BGN: variants seen among roughly 807,000 people sequenced by gnomAD.
The protein encoded by BGN is biglycan.
BGN carries 6 observed loss-of-function variants against 20.0 expected under a neutral mutation model. The observed-to-expected ratio is 0.30, with a 90% CI of 0.16 to 0.59. The LOEUF is 0.59. Among genes scored for constraint, BGN ranks in the 20% least tolerant of loss-of-function variants. The probability of loss-of-function intolerance (pLI) is 0.88; values close to 1 mark genes in which losing one functional copy is unlikely to be tolerated. For synonymous variants in BGN, 146 were observed against 134.6 expected (o/e 1.08, Z -0.59); for missense variants, 292 against 312.1 (o/e 0.94, Z 0.49).
At chrX:153,506,158 T>G (rs782158170) in intron 4 of BGN, 82 bp downstream of exon 4, 16 of 976,751 alleles carry the variant, frequency 1.6e-5, no homozygotes, top group Non-Finnish European at 2.1e-5. Context: ...CTTTAGAGGC[T>G]CAGTTCAAGA....
At chrX:153,502,987 C>A (rs1463569686) in intron 1 of BGN, among the ~76,000 whole-genome samples, 1 of 112,476 alleles carries the variant, frequency 8.9e-6, no homozygotes, top group Non-Finnish European at 1.9e-5. Flanking sequence ...GCAGGGGGGA[C>A]GCGTGCCAGC....
intron 1 of BGN, among the ~76,000 whole-genome samples, chrX:153,496,375 G>A (rs1031201235): frequency 1.8e-5 from 2 of 113,187 alleles, no homozygotes; most frequent in African/African-American, 6.4e-5. Flanking sequence ...CCCAGCCGCC[G>A]GTGCCAGCCG....
chrX:153,496,529 C>T (rs1556990777), intron 1 of BGN, among the ~76,000 whole-genome samples: 1 of 112,541 alleles, frequency 8.9e-6, no homozygotes, highest in African/African-American at 3.2e-5. Context: ...GCCTCCAAGC[C>T]ACCAGGGCTG....
Position 153,506,516 on chromosome X carries a change from G to T in BGN, c.566-13G>T. 5 of 1,204,317 alleles carry T rather than the reference G, an allele frequency of 4.2e-6. No homozygotes were observed. Among genetic ancestry groups the T allele is most frequent in the Non-Finnish European group, 5.6e-6 (5 of 889,924 alleles). Reference sequence around the variant, plus strand: ...ACCACCAGGCTCCCGGGCTAATGAGGTCTCTCCCCTAGAGATGGGCGGGAA... The same window carrying T: ...ACCACCAGGCTCCCGGGCTAATGAGTTCTCTCCCCTAGAGATGGGCGGGAA... On this transcript the variant is annotated splice_polypyrimidine_tract_variant and intron_variant, in intron 4 of 7. Coordinates refer to ENST00000331595, the MANE Select transcript of BGN (RefSeq NM_001711.6).
chrX:153,508,480 G>A lies in BGN; in HGVS notation c.*35G>A, dbSNP rs1556993810. On this transcript the variant is annotated 3_prime_UTR_variant, in exon 8 of 8. Transcript: ENST00000331595. The stretch of plus-strand genomic sequence containing the variant: ...CAGCCACCGCGGGGCCTCAGTGGGG[G>A]TCTCTGGGGAACACAGCCAGACATC... 8.4e-7 allele frequency: 1 copy of A among 1,185,789 alleles called. No individual in the cohort carries two copies. Among genetic ancestry groups the A allele is most frequent in the Non-Finnish European group, 1.1e-6 (1 of 875,581 alleles).
chrX:153,499,186 C>T (rs1157056746), intron 1 of BGN, among the ~76,000 whole-genome samples: 8 of 112,612 alleles, frequency 7.1e-5, no homozygotes, highest in Admixed American at 5.6e-4. Flanking sequence ...GTAAAGAAAT[C>T]ACATGAGTCC....
intron 1 of BGN, among the ~76,000 whole-genome samples, chrX:153,500,543 G>A (rs962105536): frequency 3.6e-5 from 4 of 112,203 alleles, no homozygotes; most frequent in Admixed American, 9.4e-5. Flanking sequence ...TTCCTGGGCT[G>A]GGGTCCCCGC....
At chrX:153,500,825 ACATG>A (rs1165493277) in intron 1 of BGN, among the ~76,000 whole-genome samples, 1 of 106,850 alleles carries the variant, frequency 9.4e-6, no homozygotes, top group African/African-American at 3.5e-5. Context: ...ATGTGTGTAT[ACATG>A]CATGCATGTG....
At position 153,508,849 on chromosome X, in the gene BGN, G is replaced by A. The variant is rs990007084; in HGVS notation, c.*404G>A. ...GACAGTGGGCTCTGCCAGGGCTGCC[G>A]CACCTGTCCAGACACACATGTTCTG... On this transcript the variant is annotated 3_prime_UTR_variant, in exon 8 of 8. Coordinates refer to ENST00000331595, the MANE Select transcript of BGN (RefSeq NM_001711.6). 6 of 212,217 alleles carry A rather than the reference G, an allele frequency of 2.8e-5. No homozygotes were observed. The Admixed American group carries it at 3.5e-4, about 12-fold the overall frequency. 17.5% of individuals were successfully genotyped at this position (212,217 alleles called of 1,213,427 possible).
chrX:153,506,918 G>A lies in BGN; in HGVS notation c.765G>A (p.Leu255=). ...AGGACCTGCTTCGCTACTCCAAGCTGTACAGGTGAGGCCAGCAGGGCACCG... is the reference window on the plus strand; with the variant it reads ...AGGACCTGCTTCGCTACTCCAAGCTATACAGGTGAGGCCAGCAGGGCACCG... ...ELEDLLRYSK[L]YRLGLGHNQI... The change falls in exon 6 of 8, where the codon CTG becomes CTA. Residue 255 remains leucine, a synonymous_variant. Coordinates refer to ENST00000331595, the MANE Select transcript of BGN (RefSeq NM_001711.6). 1.7e-6 allele frequency: 2 copies of A among 1,211,192 alleles called. No individual in the cohort carries two copies. The highest frequency in any genetic ancestry group is 1.7e-5 in the African/African-American group (1 of 57,850).
chrX:153,498,037 G>A (rs956388053), intron 1 of BGN, among the ~76,000 whole-genome samples: 1 of 112,612 alleles, frequency 8.9e-6, no homozygotes, highest in African/African-American at 3.2e-5. Context: ...CAGCCCAAGG[G>A]GCAGGGTCAG....
rs782115720 is a variant in BGN, at chrX:153,504,889, G to T, written c.238+20G>T. On this transcript the variant is annotated intron_variant, in intron 2 of 7. Transcript: ENST00000331595. Reference sequence around the variant, plus strand: ...ACCTGGGTTTGTCCCTGAGTGATGGGGAGCGGGGCATGCAGGGAGGCTCAG... The same window carrying T: ...ACCTGGGTTTGTCCCTGAGTGATGGTGAGCGGGGCATGCAGGGAGGCTCAG... The T allele has an allele frequency of 8.5e-7, 1 of 1,175,548 alleles. No homozygotes were observed. The highest frequency in any genetic ancestry group is 2.2e-5 in the Admixed American group (1 of 45,461).
chrX:153,502,501 G>C (rs1556992073), intron 1 of BGN, among the ~76,000 whole-genome samples: 1 of 112,263 alleles, frequency 8.9e-6, no homozygotes, highest in African/African-American at 3.2e-5. Context: ...ACTGGGAGAG[G>C]GTCCTACAGC....
At chrX:153,504,529 C>A in intron 1 of BGN, 92 bp from the exon 2 acceptor site, 1 of 775,796 alleles carries the variant, frequency 1.3e-6, no homozygotes, top group African/African-American at 2.1e-5. Flanking sequence ...GGGATGGGAA[C>A]GCAGTGCCAC....
chrX:153,507,868 A>T (rs2124242143), intron 7 of BGN, among the ~76,000 whole-genome samples: 1 of 113,321 alleles, frequency 8.8e-6, no homozygotes, highest in African/African-American at 3.2e-5. Context: ...TGCTGACTGG[A>T]AGAAAGAGGA....
rs782679609 is a variant in BGN, at chrX:153,506,524, C to G, written c.566-5C>G. The G allele has an allele frequency of 1.7e-6, 2 of 1,208,794 alleles. No individual in the cohort carries two copies. The highest frequency in any genetic ancestry group is 2.2e-6 in the Non-Finnish European group (2 of 893,444). Reference sequence around the variant, plus strand: ...GCTCCCGGGCTAATGAGGTCTCTCCCCTAGAGATGGGCGGGAACCCACTGG... The same window carrying G: ...GCTCCCGGGCTAATGAGGTCTCTCCGCTAGAGATGGGCGGGAACCCACTGG... On this transcript the variant is annotated splice_region_variant and splice_polypyrimidine_tract_variant and intron_variant, in intron 4 of 7. Coordinates refer to ENST00000331595, the MANE Select transcript of BGN (RefSeq NM_001711.6).
At chrX:153,506,246 A>G (rs781941559) in intron 4 of BGN, among the ~76,000 whole-genome samples, 170 bp downstream of exon 4, 3 of 112,174 alleles carry the variant, frequency 2.7e-5, no homozygotes, top group African/African-American at 9.7e-5. Flanking sequence ...CACCACGGCT[A>G]AAGAGAAGAC....
chrX:153,499,319 C>T lies in BGN; in HGVS notation c.-12+4206C>T, dbSNP rs782013191. Among the ~76,000 whole-genome samples the T allele has an allele frequency of 1.1e-4, 12 of 111,750 alleles. No homozygotes were observed. In the East Asian group the frequency reaches 2.3e-3, roughly 21 times the overall value. ...TAGTCCGTGTGCAGAGGACCAGGAG[C>T]GCACAGTGGGAAGGGCTGAGTCCCG... On this transcript the variant is annotated intron_variant, in intron 1 of 7. Coordinates refer to ENST00000331595, the MANE Select transcript of BGN (RefSeq NM_001711.6).
At chrX:153,497,072 A>C (rs2089722683) in intron 1 of BGN, among the ~76,000 whole-genome samples, 1 of 93,774 alleles carries the variant, frequency 1.1e-5, no homozygotes, top group African/African-American at 4.0e-5. Context: ...GGTCCCTGGC[A>C]CCCCACCTGC....
Sources: allele counts gnomAD v4.1 joint callset (sites outside exome capture counted in the v4.1 genomes callset), GRCh38; gene constraint gnomAD v4.1.1; transcripts MANE v1.5; gene names NCBI Gene and HGNC (gene_info 2026-07-23, HGNC 2026-07-21).